CAPN7: variants seen among roughly 807,000 people sequenced by gnomAD.
CAPN7 encodes the protein calpain 7, also known as calpain-7.
CAPN7 carries 72 observed loss-of-function variants against 115.2 expected under a neutral mutation model. The observed-to-expected ratio is 0.63, with a 90% CI of 0.52 to 0.76. CAPN7 has a LOEUF of 0.76. Among genes scored for constraint, CAPN7 ranks in the 30% least tolerant of loss-of-function variants. The pLI is 0.00. For synonymous variants in CAPN7, 344 were observed against 322.3 expected (o/e 1.07, Z -0.72); for missense variants, 905 against 971.5 (o/e 0.93, Z 0.91).
rs17040883 is a variant in CAPN7 at position 15,232,418 on chromosome 3, C to A, written c.1033-101C>A. On this transcript the variant is annotated intron_variant, in intron 9 of 20. Transcript: ENST00000253693. ...CCTTAATAGCCGTCAGCATATTGTG[C>A]GTTATATTTTATCAGTATGAAAGGT... 7,067 of 857,864 alleles carry A rather than the reference C, an allele frequency of 8.2e-3. 398 individuals carry two copies. The African/African-American group carries it at 0.11, about 13-fold the overall frequency. The allele number at this position is 857,864 out of a possible 1,614,324, so 53.1% of individuals were successfully genotyped here.
At chr3:15,229,561 C>CTTTTTTTT (rs566957976) in intron 8 of CAPN7, among the ~76,000 whole-genome samples, 1,345 of 87,918 alleles carry the variant, frequency 0.015, 19 homozygotes, top group Non-Finnish European at 0.021. Flanking sequence ...TACTTTTTTT[C>CTTTTTTTT]TTTTTTTTTT....
intron 5 of CAPN7, among the ~76,000 whole-genome samples, chr3:15,221,806 C>G (rs2124920083): frequency 6.6e-6 from 1 of 151,936 alleles, no homozygotes; most frequent in South Asian, 2.1e-4. Context: ...CCCATCTCTA[C>G]TACAAATACA....
rs199707856 is a variant in CAPN7, at chr3:15,241,450, T to C, written c.1653-3T>C. 12 of 1,612,884 alleles carry C rather than the reference T, an allele frequency of 7.4e-6. No individual in the cohort carries two copies. Among genetic ancestry groups the C allele is most frequent in the South Asian group, 1.1e-5 (1 of 90,960 alleles). On this transcript the variant is annotated splice_region_variant and splice_polypyrimidine_tract_variant and intron_variant, in intron 14 of 20. Coordinates refer to ENST00000253693, the MANE Select transcript of CAPN7 (RefSeq NM_014296.3). ...AACCTTCTTTGTTGACTTTATCTTTTAGTACTTGGGATGCTAAGCAAGGAC... is the reference window on the plus strand; with the variant it reads ...AACCTTCTTTGTTGACTTTATCTTTCAGTACTTGGGATGCTAAGCAAGGAC...
intron 19 of CAPN7, among the ~76,000 whole-genome samples, chr3:15,248,251 CCATTGT>C (rs1211031310): frequency 6.6e-6 from 1 of 152,040 alleles, no homozygotes; most frequent in Non-Finnish European, 1.5e-5. Flanking sequence ...GGCCAGTAAA[CCATTGT>C]AATAGCCAGA....
intron 6 of CAPN7, 94 bp downstream of exon 6, chr3:15,223,655 TAAA>T (rs940059594): frequency 2.5e-6 from 2 of 796,056 alleles, no homozygotes; most frequent in Non-Finnish European, 4.1e-6. Context: ...AAATTTGTAA[TAAA>T]AAAATTTGTT....
chr3:15,240,568 G>T lies in CAPN7; in HGVS notation c.1503G>T (p.Leu501Phe), dbSNP rs764598596. The T allele has an allele frequency of 6.2e-7, 1 of 1,612,406 alleles. No individual in the cohort carries two copies. The highest frequency in any genetic ancestry group is 8.5e-7 in the Non-Finnish European group (1 of 1,179,568). ...ATGTAAAAAACTGGACTCCAGAGTT[G>T]CAAAAGTATTTAAACTTTGATCCCC... Reference protein sequence around the residue: ...ENDVKNWTPELQKYLNFDPRT... With the variant: ...ENDVKNWTPEFQKYLNFDPRT... Residue 501 changes from leucine (L) to phenylalanine (F), a missense_variant, in exon 13 of 21, where the codon TTG (leucine) becomes TTT (phenylalanine). Physicochemically the swap from Leu to Phe is conservative, Grantham distance 22 (BLOSUM62 0). Coordinates refer to ENST00000253693, the MANE Select transcript of CAPN7 (RefSeq NM_014296.3).
chr3:15,245,765 A>G, intron 17 of CAPN7, 94 bp downstream of exon 17: 8 of 979,072 alleles, frequency 8.2e-6, no homozygotes, highest in Non-Finnish European at 1.1e-5. Context: ...GAAAAAGTTT[A>G]TTTCTGAAAA....
At position 15,212,033 on chromosome 3, in the gene CAPN7, A is replaced by G. The variant is rs1575156219; in HGVS notation, c.103-71A>G. On this transcript the variant is annotated intron_variant, in intron 1 of 20. Coordinates refer to ENST00000253693, the MANE Select transcript of CAPN7 (RefSeq NM_014296.3). ...TGTCATTCATGGAAACCAATATTGA[A>G]TGAGAATGTGATAAAGAAAATTCAA... 5.2e-6 allele frequency: 4 copies of G among 775,152 alleles called. No individual in the cohort carries two copies. In the East Asian group the frequency reaches 1.1e-4, roughly 22 times the overall value. The allele number at this position is 775,152 out of a possible 1,614,324, so 48.0% of individuals were successfully genotyped here.
chr3:15,206,481 CG>C lies in CAPN7; in HGVS notation c.-11del. The C allele has an allele frequency of 6.5e-7, 1 of 1,536,492 alleles. No homozygotes were observed. Among genetic ancestry groups the C allele is most frequent in the Non-Finnish European group, 8.8e-7 (1 of 1,139,604 alleles). On this transcript the variant is annotated 5_prime_UTR_variant, in exon 1 of 21. Transcript: ENST00000253693. Reference sequence around the variant, plus strand: ...CAGGGCCTCCTTCCCTGCCCCGGCGCGGGGCCACTGCGCCATGGACGCCACA... The same window carrying C: ...CAGGGCCTCCTTCCCTGCCCCGGCGCGGGCCACTGCGCCATGGACGCCACA...
At chr3:15,212,011 C>A in intron 1 of CAPN7, 93 bp from the exon 2 acceptor site, 1 of 567,870 alleles carries the variant, frequency 1.8e-6, no homozygotes. Context: ...CTTGTTTTGT[C>A]ATTCATGGAA....
intron 1 of CAPN7, among the ~76,000 whole-genome samples, chr3:15,209,712 C>T (rs2044828432): frequency 6.6e-6 from 1 of 152,156 alleles, no homozygotes; most frequent in South Asian, 2.1e-4. Context: ...ATAGCTTTGA[C>T]AACAGGTTAA....
At chr3:15,221,582 A>T (rs1361133966) in intron 5 of CAPN7, among the ~76,000 whole-genome samples, 1 of 152,040 alleles carries the variant, frequency 6.6e-6, no homozygotes, top group Non-Finnish European at 1.5e-5. Flanking sequence ...TGAGCCACTA[A>T]AGGTTAAGGA....
intron 1 of CAPN7, chr3:15,211,041 G>T: frequency 1.8e-6 from 1 of 569,196 alleles, no homozygotes; most frequent in Non-Finnish European, 2.2e-6. Context: ...AACTGGTCGT[G>T]GAAGTTATGG....
Position 15,212,110 on chromosome 3 carries a change from G to A in CAPN7, c.109G>A (p.Ala37Thr). The change falls in exon 2 of 21, where the codon GCA becomes ACA. Residue 37 changes from alanine to threonine, a missense_variant. By Grantham distance (58) the Ala-to-Thr change is moderately conservative. Around this residue, in one of 3 missense-constraint regions of CAPN7, gnomAD observed 271 missense variants for 239.6 expected, o/e 1.13. Transcript: ENST00000253693. Reference protein sequence around the residue: ...SEAVFYYKEAAQALIYAEMAG... With the variant: ...SEAVFYYKEATQALIYAEMAG... ...TGAATTCTTTCATTTTTAGGAAGCT[G>A]CACAAGCCTTAATTTATGCTGAGAT... 6.3e-7 allele frequency: 1 copy of A among 1,598,356 alleles called. No individual in the cohort carries two copies. Among genetic ancestry groups the A allele is most frequent in the South Asian group, 1.1e-5 (1 of 88,182 alleles).
Position 15,218,524 on chromosome 3 carries a change from C to G in CAPN7, c.421C>G (p.Arg141Gly). 3 of 1,612,774 alleles carry G rather than the reference C, an allele frequency of 1.9e-6. No homozygotes were observed. Among genetic ancestry groups the G allele is most frequent in the African/African-American group, 2.7e-5 (2 of 75,006 alleles). Residue 141 changes from arginine to glycine, a missense_variant, in exon 4 of 21, where the codon CGA becomes GGA. Physicochemically the swap from Arg to Gly is moderately radical, Grantham distance 125 (BLOSUM62 -2). Around this residue, in one of 3 missense-constraint regions of CAPN7, gnomAD observed 271 missense variants for 239.6 expected, o/e 1.13. Transcript: ENST00000253693. ...GCAAAATAAACTGAAACAGTTGGCT[C>G]GACAGGCACTAGACAGGTGAGTTTG... ...VLQNKLKQLA[R>G]QALDRAEALS...
At chr3:15,224,596 A>T (rs1243043423) in intron 6 of CAPN7, among the ~76,000 whole-genome samples, 1 of 146,170 alleles carries the variant, frequency 6.8e-6, no homozygotes, top group Non-Finnish European at 1.5e-5. Flanking sequence ...TCATGTATTT[A>T]TAGATGCATA....
intron 3 of CAPN7, 100 bp from the exon 4 acceptor site, chr3:15,218,373 A>T: frequency 1.4e-6 from 1 of 729,762 alleles, no homozygotes; most frequent in Non-Finnish European, 2.4e-6. Flanking sequence ...CAATTTCAGC[A>T]AGTGTAATAT....
chr3:15,214,198 G>A (rs1032198370), intron 2 of CAPN7, among the ~76,000 whole-genome samples: 1 of 152,120 alleles, frequency 6.6e-6, no homozygotes, highest in African/African-American at 2.4e-5. Flanking sequence ...GATTTTTAAA[G>A]CATAACATAG....
intron 19 of CAPN7, among the ~76,000 whole-genome samples, chr3:15,250,702 A>C (rs1394227631): frequency 6.6e-6 from 1 of 152,162 alleles, no homozygotes; most frequent in East Asian, 1.9e-4. Context: ...CGGGGAGCCC[A>C]TGGTAAAAAT....
Sources: allele counts gnomAD v4.1 joint callset (sites outside exome capture counted in the v4.1 genomes callset), GRCh38; gene constraint gnomAD v4.1.1; regional missense constraint gnomAD v4.1.1; transcripts MANE v1.5; gene names NCBI Gene and HGNC (gene_info 2026-07-23, HGNC 2026-07-21).